The following USP34 variants were observed in gnomAD, a reference collection of about 807,000 sequenced individuals.
USP34 encodes ubiquitin carboxyl-terminal hydrolase 34.
A neutral mutation model predicts 460.3 loss-of-function variants in USP34; 70 were observed. The ratio of observed to expected loss-of-function variants is 0.15; its 90% CI spans 0.13 to 0.19. The LOEUF (loss-of-function observed/expected upper bound fraction) is 0.19. Ranked by LOEUF, USP34 falls within the 10% of genes least tolerant of loss-of-function variation. The probability of loss-of-function intolerance (pLI) is 1.00; values close to 1 mark genes in which losing one functional copy is unlikely to be tolerated. For synonymous variants in USP34, 1,647 were observed against 1,405.3 expected (o/e 1.17, Z -3.85); for missense variants, 3,985 against 4,236.2 (o/e 0.94, Z 1.65).
chr2:61,299,077 C>G (rs1302939257), intron 29 of USP34, among the ~76,000 whole-genome samples: 1 of 151,990 alleles, frequency 6.6e-6, no homozygotes, highest in Non-Finnish European at 1.5e-5. Context: ...TCATGGGCAC[C>G]TATTAATGAT....
At chr2:61,231,806 C>T (rs1180981461) in intron 58 of USP34, among the ~76,000 whole-genome samples, 1 of 100,056 alleles carries the variant, frequency 1.0e-5, no homozygotes, top group African/African-American at 5.2e-5. Context: ...AGAGCAAAAC[C>T]CTCTAAAAAA....
At chr2:61,240,907 T>A (rs939869417) in intron 53 of USP34, among the ~76,000 whole-genome samples, 1 of 152,142 alleles carries the variant, frequency 6.6e-6, no homozygotes, top group Non-Finnish European at 1.5e-5. Flanking sequence ...TCAATTACAA[T>A]GCATGCTTGA....
intron 1 of USP34, among the ~76,000 whole-genome samples, chr2:61,436,954 G>A (rs1694830492): frequency 6.6e-6 from 1 of 152,230 alleles, no homozygotes; most frequent in Admixed American, 6.5e-5. Context: ...CTGGGTCAAT[G>A]AAGGTATTAA....
chr2:61,301,498 T>A, intron 27 of USP34, 44 bp from the exon 28 acceptor site: 1 of 1,526,686 alleles, frequency 6.6e-7, no homozygotes, highest in Non-Finnish European at 9.0e-7. Flanking sequence ...TTTTAAGAAT[T>A]AACTTACTTG....
At chr2:61,308,897 C>T (rs942994549) in intron 27 of USP34, among the ~76,000 whole-genome samples, 2 of 151,926 alleles carry the variant, frequency 1.3e-5, no homozygotes, top group African/African-American at 4.8e-5. Context: ...AAAAAATTAC[C>T]CAGGGATGGT....
Position 61,350,300 on chromosome 2 carries a change from T to C in USP34, c.1467A>G (p.Ala489=), listed in dbSNP as rs2166720. 0.17 allele frequency: 275,678 copies of C among 1,611,326 alleles called. 28,077 individuals carry two copies. The highest frequency in any genetic ancestry group is 0.35 in the South Asian group (31,918 of 90,636). Residue 489 remains alanine (A), a synonymous_variant, in exon 12 of 80, where the codon GCA becomes GCG. Transcript: ENST00000398571. ...KAQLSKQSSF[A]SLLNTNIPIG... ...TGGGAATATTAGTATTTAATAAAGA[T>C]GCAAAAGAACTCTGTTTAGATAACT...
In USP34 at chr2:61,395,207, T is replaced by C; in HGVS notation, c.579A>G (p.Ile193Met). 6.7e-7 allele frequency: 1 copy of C among 1,503,218 alleles called. No homozygotes were observed. Among genetic ancestry groups the C allele is most frequent in the Admixed American group, 2.0e-5 (1 of 49,742 alleles). 93.1% of individuals were successfully genotyped at this position (1,503,218 alleles called of 1,614,324 possible). The change falls in exon 4 of 80, where the codon ATA becomes ATG. Residue 193 changes from isoleucine to methionine, a missense_variant. Coordinates refer to ENST00000398571, the MANE Select transcript of USP34 (RefSeq NM_014709.4). ...CATTCATATCACAGAATGCCCCTAA[T>C]ATGTTACTTTCTTGAGTTGATATAT... ...IEDISTQESN[I>M]LGAFCDMNDV...
At chr2:61,417,968 T>C (rs1052124196) in intron 2 of USP34, among the ~76,000 whole-genome samples, 1 of 151,720 alleles carries the variant, frequency 6.6e-6, no homozygotes, top group Non-Finnish European at 1.5e-5. Flanking sequence ...CTCAAACTCC[T>C]GAACTCAAGT....
chr2:61,413,098 T>C (rs940749623), intron 2 of USP34, among the ~76,000 whole-genome samples: 1 of 151,956 alleles, frequency 6.6e-6, no homozygotes, highest in Non-Finnish European at 1.5e-5. Flanking sequence ...GGGAGAGTAA[T>C]TAAGAGTATC....
chr2:61,221,829 C>CA (rs1190333756), intron 65 of USP34: 6 of 390,614 alleles, frequency 1.5e-5, no homozygotes, highest in Non-Finnish European at 4.5e-6. Flanking sequence ...TTCTGGATGT[C>CA]AAGAGTATTT....
In USP34 at chr2:61,349,015, C is replaced by T. The variant is rs1359060378; in HGVS notation, c.1544-129G>A. 2.6e-6 allele frequency: 3 copies of T among 1,152,754 alleles called. No individual in the cohort carries two copies. In the African/African-American group the frequency reaches 4.7e-5, roughly 18 times the overall value. 71.4% of individuals were successfully genotyped at this position (1,152,754 alleles called of 1,614,324 possible). A position where few individuals can be genotyped will look rare whatever the true frequency, so the allele number is the denominator to read the frequency against. On this transcript the variant is annotated intron_variant, in intron 13 of 79. Transcript: ENST00000398571. ...TGCTAAGTAGCCAAAAATAAAATCT[C>T]TAAATATGTTAACATTTGCTCATGA...
At chr2:61,251,691 T>TAGA (rs1688586557) in intron 48 of USP34, among the ~76,000 whole-genome samples, 3 of 152,332 alleles carry the variant, frequency 2.0e-5, no homozygotes, top group Middle Eastern at 6.8e-3. Flanking sequence ...AAAATCAGCT[T>TAGA]TATTCTAAGC....
chr2:61,378,859 C>T (rs1384327611), intron 7 of USP34, among the ~76,000 whole-genome samples: 2 of 141,406 alleles, frequency 1.4e-5, no homozygotes, highest in African/African-American at 2.6e-5. Flanking sequence ...GAGCCAAGAT[C>T]GCGCCACTGC....
chr2:61,368,810 A>C (rs537835044), intron 10 of USP34, among the ~76,000 whole-genome samples: 1 of 152,322 alleles, frequency 6.6e-6, no homozygotes, highest in African/African-American at 2.4e-5. Context: ...AAGGCATTTC[A>C]AACCAAGATA....
At chr2:61,224,938 A>C (rs1305052694) in intron 62 of USP34, among the ~76,000 whole-genome samples, 1 of 152,054 alleles carries the variant, frequency 6.6e-6, no homozygotes, top group Non-Finnish European at 1.5e-5. Context: ...CTTCTCATTC[A>C]TTTCTTTCCC....
chr2:61,213,638 G>C (rs1386449986), intron 68 of USP34, among the ~76,000 whole-genome samples: 1 of 152,072 alleles, frequency 6.6e-6, no homozygotes, highest in Non-Finnish European at 1.5e-5. Flanking sequence ...AAAATACTGC[G>C]GAATACTACT....
intron 21 of USP34, among the ~76,000 whole-genome samples, chr2:61,322,432 G>C (rs191978633): frequency 2.0e-5 from 3 of 152,004 alleles, no homozygotes; most frequent in Non-Finnish European, 4.4e-5. Context: ...GAACTATTCA[G>C]AACAAAAGGG....
In USP34 at chr2:61,295,648, A is replaced by G. The variant is rs375200891; in HGVS notation, c.4255-358T>C. Among the ~76,000 whole-genome samples, 61 of 152,368 alleles carry G rather than the reference A, an allele frequency of 4.0e-4. 1 individual carries two copies. The highest frequency in any genetic ancestry group is 5.8e-4 in the East Asian group (3 of 5,192). ...GTCTGTACTTAATAGTTACAACTATATATTTAAAAGTCATACAAATATATG... is the reference window on the plus strand; with the variant it reads ...GTCTGTACTTAATAGTTACAACTATGTATTTAAAAGTCATACAAATATATG... On this transcript the variant is annotated intron_variant, in intron 30 of 79. Coordinates refer to ENST00000398571, the MANE Select transcript of USP34 (RefSeq NM_014709.4).
intron 68 of USP34, among the ~76,000 whole-genome samples, chr2:61,213,589 T>A (rs1435265057): frequency 6.6e-6 from 1 of 152,200 alleles, no homozygotes. Flanking sequence ...TCTCGATTGA[T>A]CTCTTAAGCA....
Sources: allele counts gnomAD v4.1 joint callset (sites outside exome capture counted in the v4.1 genomes callset), GRCh38; gene constraint gnomAD v4.1.1; transcripts MANE v1.5; gene names NCBI Gene and HGNC (gene_info 2026-07-23, HGNC 2026-07-21).